Variants in TNS1 observed in about 807,000 individuals in gnomAD.
TNS1 encodes the protein tensin 1.
A neutral mutation model predicts 168.6 loss-of-function variants in TNS1; 62 were observed. The ratio of observed to expected loss-of-function variants is 0.37; its 90% CI spans 0.30 to 0.45. The LOEUF (loss-of-function observed/expected upper bound fraction) is 0.45, where lower values mean the gene tolerates loss of function less well. Among genes scored for constraint, TNS1 ranks in the 20% least tolerant of loss-of-function variants. The pLI is 1.00. For missense variants in TNS1, 2,240 were observed against 2,339.4 expected (o/e 0.96, Z 0.88); for synonymous variants, 934 against 933.2 (o/e 1.00, Z -0.02).
chr2:218,016,746 G>A (rs1202686452), intron 1 of TNS1, among the ~76,000 whole-genome samples: 1 of 152,160 alleles, frequency 6.6e-6, no homozygotes, highest in African/African-American at 2.4e-5. Flanking sequence ...AGAGGCACTG[G>A]GGCTGAGACC....
intron 3 of TNS1, among the ~76,000 whole-genome samples, chr2:217,928,549 G>C (rs1956154665): frequency 6.6e-6 from 1 of 152,226 alleles, no homozygotes; most frequent in African/African-American, 2.4e-5. Context: ...CAAGCCCTGA[G>C]TGTCCCTCCA....
intron 3 of TNS1, among the ~76,000 whole-genome samples, chr2:217,951,578 C>CATA (rs1957243236): frequency 6.6e-6 from 1 of 152,138 alleles, no homozygotes; most frequent in African/African-American, 2.4e-5. Context: ...CAGGGCCTGG[C>CATA]TGGACCACAT....
chr2:218,002,093 T>C (rs1958575563), intron 1 of TNS1, among the ~76,000 whole-genome samples: 1 of 152,106 alleles, frequency 6.6e-6, no homozygotes, highest in Admixed American at 6.6e-5. Flanking sequence ...CCATCCCCCT[T>C]TACCCAGGAG....
At chr2:218,015,258 G>A (rs574256342), upstream of TNS1, among the ~76,000 whole-genome samples, 144 of 152,264 alleles carry the variant, frequency 9.5e-4, no homozygotes, top group African/African-American at 3.3e-3. Flanking sequence ...AGAAAGTGGC[G>A]GTGCCAGAAC....
intron 4 of TNS1, among the ~76,000 whole-genome samples, chr2:217,912,298 G>C (rs560897809): frequency 6.6e-6 from 1 of 152,226 alleles, no homozygotes; most frequent in Non-Finnish European, 1.5e-5. Context: ...GCCCAGGGCC[G>C]AGGGGAAGGG....
At chr2:217,964,911 C>A (rs1957586527) in intron 3 of TNS1, among the ~76,000 whole-genome samples, 1 of 152,230 alleles carries the variant, frequency 6.6e-6, no homozygotes, top group Non-Finnish European at 1.5e-5. Flanking sequence ...ATCCCACCCA[C>A]CTGCCCGCTG....
chr2:217,966,269 G>A (rs1489219348), intron 3 of TNS1, among the ~76,000 whole-genome samples: 1 of 62,636 alleles, frequency 1.6e-5, no homozygotes, highest in Admixed American at 1.4e-4. Context: ...AGCAGGCTGC[G>A]TGTGTGTGTG....
intron 4 of TNS1, among the ~76,000 whole-genome samples, chr2:217,910,740 A>G (rs1156992615): frequency 1.3e-5 from 2 of 151,066 alleles, no homozygotes; most frequent in African/African-American, 4.9e-5. Context: ...ACACACACAC[A>G]CACACACACA....
At chr2:217,947,929 G>T (rs950704264) in intron 3 of TNS1, among the ~76,000 whole-genome samples, 1 of 152,222 alleles carries the variant, frequency 6.6e-6, no homozygotes, top group South Asian at 2.1e-4. Context: ...TGAAAATGTG[G>T]AAGTGCCTAT....
chr2:217,916,681 T>C (rs1955047042), intron 4 of TNS1, among the ~76,000 whole-genome samples: 1 of 152,072 alleles, frequency 6.6e-6, no homozygotes, highest in African/African-American at 2.4e-5. Flanking sequence ...GAAAACATGG[T>C]TGAAGATTAA....
intron 3 of TNS1, among the ~76,000 whole-genome samples, chr2:217,942,885 C>CG (rs1281824428): frequency 1.3e-5 from 2 of 152,136 alleles, no homozygotes; most frequent in African/African-American, 4.8e-5. Context: ...CAGGCTTCTC[C>CG]GGGTCCCCCC....
chr2:217,840,883 G>T (rs1353505842), intron 19 of TNS1, among the ~76,000 whole-genome samples: 1 of 152,114 alleles, frequency 6.6e-6, no homozygotes, highest in Non-Finnish European at 1.5e-5. Flanking sequence ...CAAGGCCAAG[G>T]CTAGCATGAG....
rs556521337 is a variant in TNS1 at position 217,819,937 on chromosome 2, G to A, written c.3573-1178C>T. Reference sequence around the variant, plus strand: ...GCCCTCCCTGGGCCAGGCTGGATAAGCTCAGGTTCACGGGGTGATATGAGG... The same window carrying A: ...GCCCTCCCTGGGCCAGGCTGGATAAACTCAGGTTCACGGGGTGATATGAGG... On this transcript the variant is annotated intron_variant, in intron 23 of 32. Coordinates refer to ENST00000682258, the MANE Select transcript of TNS1 (RefSeq NM_001387777.1). 7.2e-5 allele frequency among the ~76,000 whole-genome samples: 11 copies of A among 152,280 alleles called. No individual in the cohort carries two copies. In the East Asian group the frequency reaches 1.7e-3, roughly 24 times the overall value.
chr2:217,933,519 G>A (rs761730572), intron 3 of TNS1, among the ~76,000 whole-genome samples: 56 of 152,246 alleles, frequency 3.7e-4, no homozygotes, highest in Admixed American at 1.2e-3. Flanking sequence ...ACATCCACTG[G>A]CAGGGACACT....
chr2:217,988,018 G>A (rs1331161959), intron 2 of TNS1, among the ~76,000 whole-genome samples: 2 of 152,178 alleles, frequency 1.3e-5, no homozygotes, highest in Non-Finnish European at 2.9e-5. Context: ...GGAGATCCCA[G>A]TCCCTTTGCT....
intron 3 of TNS1, among the ~76,000 whole-genome samples, chr2:217,946,959 T>TCA (rs1203032369): frequency 0.032 from 4,109 of 128,314 alleles, 82 homozygotes; most frequent in South Asian, 0.066. Flanking sequence ...TCTCTCTCTC[T>TCA]CTCTCTCTCT....
chr2:217,821,826 C>A lies in TNS1; in HGVS notation c.3486G>T (p.Glu1162Asp), dbSNP rs746834871. 9 of 1,575,912 alleles carry A rather than the reference C, an allele frequency of 5.7e-6. No individual in the cohort carries two copies. The South Asian group carries it at 1.1e-4, about 19-fold the overall frequency. Residue 1162 changes from glutamate to aspartate, a missense_variant, in exon 23 of 33, where the codon GAG (glutamate) becomes GAT (aspartate). Glu to Asp is a conservative substitution (Grantham distance 45, BLOSUM62 2). Around this residue, in one of 2 missense-constraint regions of TNS1, gnomAD observed 2,131 missense variants for 2,171.2 expected, o/e 0.98. Transcript: ENST00000682258. Reference protein sequence around the residue: ...SAPATQAYGHEIPLRNGTLGG... With the variant: ...SAPATQAYGHDIPLRNGTLGG... ...CCAGGGTCCCGTTCCTCAGGGGTATCTCATGGCCATAGGCCTGGGTGGCTG... is the reference window on the plus strand; with the variant it reads ...CCAGGGTCCCGTTCCTCAGGGGTATATCATGGCCATAGGCCTGGGTGGCTG...
intron 22 of TNS1, among the ~76,000 whole-genome samples, chr2:217,828,928 C>A (rs763736896): frequency 3.9e-5 from 6 of 152,208 alleles, no homozygotes; most frequent in Non-Finnish European, 7.3e-5. Flanking sequence ...AAGATGGGGG[C>A]TCTGCGCCAG....
chr2:217,817,515 C>T (rs1007433365), intron 24 of TNS1, among the ~76,000 whole-genome samples, 175 bp downstream of exon 24: 6 of 152,164 alleles, frequency 3.9e-5, no homozygotes, highest in East Asian at 1.9e-4. Flanking sequence ...GCACACGTAT[C>T]GTAAGGATAC....
Sources: gnomAD v4.1 joint callset for allele counts (sites outside exome capture counted in the v4.1 genomes callset) on GRCh38, gnomAD v4.1.1 for gene constraint, gnomAD v4.1.1 regional missense constraint, MANE v1.5 for transcripts, NCBI Gene and HGNC (gene_info 2026-07-23, HGNC 2026-07-21) for gene names.